Variants in JMJD1C observed in about 807,000 individuals in gnomAD.
The protein encoded by JMJD1C is jumonji domain containing 1C, also known as jumonji domain-containing protein 1C.
A neutral mutation model predicts 245.3 loss-of-function variants in JMJD1C; 31 were observed. That is an observed-to-expected ratio of 0.13 (90% CI 0.09 to 0.17). The LOEUF (loss-of-function observed/expected upper bound fraction) is 0.17. JMJD1C is among the 10% of genes least tolerant of loss of function. The pLI is 1.00. For missense variants in JMJD1C, 2,691 were observed against 3,000.2 expected, an observed-to-expected ratio of 0.90 and a Z score of 2.41; for synonymous variants, 1,057 against 1,017.4, an observed-to-expected ratio of 1.04 and a Z score of -0.74.
At chr10:63,507,372 G>A (rs1436081547) in intron 1 of JMJD1C, among the ~76,000 whole-genome samples, 11 of 152,050 alleles carry the variant, frequency 7.2e-5, no homozygotes, top group African/African-American at 1.4e-4. Flanking sequence ...AGCCGGGTAC[G>A]ATGGCTCATG....
chr10:63,339,523 C>CT (rs1488881212), intron 2 of JMJD1C, among the ~76,000 whole-genome samples: 1 of 152,156 alleles, frequency 6.6e-6, no homozygotes, highest in East Asian at 1.9e-4. Context: ...TGGCTCACGC[C>CT]TGTAATACCA....
At position 63,208,627 on chromosome 10, in the gene JMJD1C, C is replaced by A. The variant is rs1846950998; in HGVS notation, c.3042G>T (p.Arg1014Ser). The A allele has an allele frequency of 6.2e-7, 1 of 1,613,880 alleles. No individual in the cohort carries two copies. The highest frequency in any genetic ancestry group is 1.7e-5 in the Admixed American group (1 of 59,986). ...LQRPPQETGERLNKYKEEHRR... is the reference protein window; with the variant it reads ...LQRPPQETGESLNKYKEEHRR... Reference sequence around the variant, plus strand: ...GGTGTTCCTCTTTGTATTTGTTTAACCTCTCTCCAGTCTCCTGGGGTGGCC... The same window carrying A: ...GGTGTTCCTCTTTGTATTTGTTTAAACTCTCTCCAGTCTCCTGGGGTGGCC... Residue 1014 changes from arginine to serine, a missense_variant, in exon 10 of 26, where the codon AGG (arginine) becomes AGT (serine). By Grantham distance (110) the Arg-to-Ser change is moderately radical. Around this residue, in one of 9 missense-constraint regions of JMJD1C, gnomAD observed 1,562 missense variants for 1,490.7 expected, o/e 1.05. Transcript: ENST00000399262.
intron 1 of JMJD1C, among the ~76,000 whole-genome samples, chr10:63,479,537 A>G (rs1290841066): frequency 6.6e-6 from 1 of 152,186 alleles, no homozygotes; most frequent in Non-Finnish European, 1.5e-5. Context: ...AGAACCACAC[A>G]TTGCATCTGA....
At chr10:63,252,710 T>TAG (rs1853259326) in intron 3 of JMJD1C, among the ~76,000 whole-genome samples, 1 of 152,174 alleles carries the variant, frequency 6.6e-6, no homozygotes, top group Admixed American at 6.5e-5. Context: ...TACAGAACCC[T>TAG]AGTCTTCTGA....
chr10:63,438,056 C>T (rs987866000), intron 1 of JMJD1C, among the ~76,000 whole-genome samples: 1 of 152,152 alleles, frequency 6.6e-6, no homozygotes, highest in Non-Finnish European at 1.5e-5. Context: ...CCCAGATTCT[C>T]CAGCCTAGAC....
intron 1 of JMJD1C, among the ~76,000 whole-genome samples, chr10:63,452,596 G>C (rs1328788521): frequency 6.6e-6 from 1 of 152,144 alleles, no homozygotes; most frequent in Non-Finnish European, 1.5e-5. Context: ...CCCCAAGGAA[G>C]TAAAAAGCAG....
chr10:63,419,834 T>TAAAA (rs34006135), intron 1 of JMJD1C, among the ~76,000 whole-genome samples: 32 of 114,488 alleles, frequency 2.8e-4, no homozygotes, highest in Admixed American at 8.7e-4. Flanking sequence ...CTCCATGAAA[T>TAAAA]AAAAAAAAAA....
chr10:63,315,172 T>C (rs1459176907), intron 2 of JMJD1C, among the ~76,000 whole-genome samples: 1 of 152,148 alleles, frequency 6.6e-6, no homozygotes, highest in African/African-American at 2.4e-5. Context: ...GTCTGTTACC[T>C]GGGTATAACT....
rs944205769 is a variant in JMJD1C, at chr10:63,431,722, A to T, written c.168+33773T>A. On this transcript the variant is annotated intron_variant, in intron 1 of 25. Coordinates refer to ENST00000399262, the MANE Select transcript of JMJD1C (RefSeq NM_032776.3). ...TTTGGGGTATGCACTGTGAAAAAGT[A>T]CTCACTTGCGGCCGGGCGCAGTGGC... Among the ~76,000 whole-genome samples the T allele has an allele frequency of 4.6e-5, 7 of 152,274 alleles. No homozygotes were observed. The East Asian group carries it at 1.4e-3, about 29-fold the overall frequency.
chr10:63,341,374 A>C (rs1251301158), intron 2 of JMJD1C, among the ~76,000 whole-genome samples: 1 of 151,984 alleles, frequency 6.6e-6, no homozygotes, highest in Admixed American at 6.6e-5. Flanking sequence ...CTGCCCTAGA[A>C]AGACACTGAC....
intron 1 of JMJD1C, among the ~76,000 whole-genome samples, chr10:63,438,643 T>C (rs1332048647): frequency 6.6e-6 from 1 of 152,180 alleles, no homozygotes; most frequent in Non-Finnish European, 1.5e-5. Context: ...CTCTCCCACT[T>C]TTCACTGCTC....
chr10:63,292,331 G>A (rs1263878100), intron 2 of JMJD1C, among the ~76,000 whole-genome samples: 1 of 151,684 alleles, frequency 6.6e-6, no homozygotes, highest in Admixed American at 6.6e-5. Context: ...TACTAAAATG[G>A]CTGGGTGCAG....
intron 1 of JMJD1C, among the ~76,000 whole-genome samples, chr10:63,442,166 T>C (rs17741131): frequency 0.2 from 30,690 of 151,788 alleles, 4,063 homozygotes; most frequent in Non-Finnish European, 0.29. Flanking sequence ...TAATCAAGAG[T>C]TGAGTTTTGC....
intron 13 of JMJD1C, among the ~76,000 whole-genome samples, chr10:63,196,623 AAT>A (rs1170254448): frequency 6.6e-6 from 1 of 152,200 alleles, no homozygotes; most frequent in Non-Finnish European, 1.5e-5. Context: ...CTGAAATGAA[AAT>A]GACACTCATT....
intron 2 of JMJD1C, among the ~76,000 whole-genome samples, chr10:63,307,352 T>C (rs1483141336): frequency 6.6e-6 from 1 of 152,180 alleles, no homozygotes; most frequent in Non-Finnish European, 1.5e-5. Flanking sequence ...ATATTAAAAA[T>C]AAGGCGGACA....
chr10:63,428,066 CAT>C (rs745463338), intron 1 of JMJD1C: 185 of 537,974 alleles, frequency 3.4e-4, no homozygotes, highest in Middle Eastern at 5.1e-4. Context: ...ACACAACACA[CAT>C]ATATATATAT....
chr10:63,234,953 G>A (rs1363693224), intron 3 of JMJD1C, among the ~76,000 whole-genome samples: 1 of 151,450 alleles, frequency 6.6e-6, no homozygotes, highest in Non-Finnish European at 1.5e-5. Flanking sequence ...TTAGCTAGAG[G>A]GCATACATTT....
intron 1 of JMJD1C, among the ~76,000 whole-genome samples, chr10:63,388,068 G>A (rs1947770803): frequency 6.6e-6 from 1 of 152,134 alleles, no homozygotes; most frequent in Admixed American, 6.5e-5. Context: ...TAGAAAGTCT[G>A]TTTAACAAAA....
intron 1 of JMJD1C, among the ~76,000 whole-genome samples, chr10:63,510,817 A>G (rs1317084070): frequency 1.3e-5 from 2 of 152,210 alleles, no homozygotes; most frequent in Non-Finnish European, 2.9e-5. Flanking sequence ...TAGTACATTC[A>G]TATATTTCTC....
Sources: gnomAD v4.1 joint callset for allele counts (sites outside exome capture counted in the v4.1 genomes callset) on GRCh38, gnomAD v4.1.1 for gene constraint, gnomAD v4.1.1 regional missense constraint, MANE v1.5 for transcripts, NCBI Gene and HGNC (gene_info 2026-07-23, HGNC 2026-07-21) for gene names.